Variants in WNT9B observed in about 807,000 individuals in gnomAD.
WNT9B encodes the protein protein Wnt-9b.
WNT9B carries 12 observed loss-of-function variants against 30.2 expected under a neutral mutation model. That is an observed-to-expected ratio of 0.40 (90% CI 0.26 to 0.64). The LOEUF (loss-of-function observed/expected upper bound fraction) is 0.64. Among genes scored for constraint, WNT9B ranks in the 30% least tolerant of loss-of-function variants. The pLI is 0.42. For missense variants in WNT9B, 442 were observed against 485.2 expected (o/e 0.91, Z 0.84); for synonymous variants, 218 against 216.9 (o/e 1.01, Z -0.05).
At chr17:46,855,083 C>T (rs1027444547) in intron 1 of WNT9B, among the ~76,000 whole-genome samples, 5 of 146,490 alleles carry the variant, frequency 3.4e-5, no homozygotes, top group Non-Finnish European at 7.5e-5. Flanking sequence ...CAGTCAGTCA[C>T]CCAGTGTTAC....
At chr17:46,844,989 C>T (rs547148861) in intron 1 of WNT9B, among the ~76,000 whole-genome samples, 5 of 152,166 alleles carry the variant, frequency 3.3e-5, no homozygotes, top group Middle Eastern at 3.4e-3. Flanking sequence ...CTGGGACTAC[C>T]GGCATGCACC....
At chr17:46,857,524 C>T (rs1397255459) in intron 1 of WNT9B, among the ~76,000 whole-genome samples, 2 of 148,918 alleles carry the variant, frequency 1.3e-5, no homozygotes, top group African/African-American at 4.9e-5. Context: ...CAGTTTTGGA[C>T]TATTCCAAAT....
At chr17:46,875,960 A>C (rs1026497598) in intron 3 of WNT9B, among the ~76,000 whole-genome samples, 1 of 152,176 alleles carries the variant, frequency 6.6e-6, no homozygotes, top group African/African-American at 2.4e-5. Flanking sequence ...GTGTTCAATC[A>C]TTGAGTTGGT....
intron 1 of WNT9B, among the ~76,000 whole-genome samples, chr17:46,846,325 C>T (rs2084775980): frequency 6.6e-6 from 1 of 152,188 alleles, no homozygotes; most frequent in African/African-American, 2.4e-5. Context: ...TTCATTAATT[C>T]AGTTATTTAA....
chr17:46,847,579 G>A (rs936627610), upstream of WNT9B, among the ~76,000 whole-genome samples: 1 of 152,198 alleles, frequency 6.6e-6, no homozygotes, highest in Non-Finnish European at 1.5e-5. Flanking sequence ...AGAGGGACAG[G>A]TGAGCCCACA....
chr17:46,865,357 C>T (rs2085115055), intron 1 of WNT9B, among the ~76,000 whole-genome samples: 1 of 152,158 alleles, frequency 6.6e-6, no homozygotes, highest in Non-Finnish European at 1.5e-5. Flanking sequence ...TGGGGCTGTG[C>T]TTGGAGAGAC....
intron 1 of WNT9B, among the ~76,000 whole-genome samples, chr17:46,853,350 C>T (rs1468657627): frequency 7.1e-6 from 1 of 140,310 alleles, no homozygotes; most frequent in Non-Finnish European, 1.5e-5. Flanking sequence ...AAGTGCTCAA[C>T]TAATGCTAGT....
chr17:46,848,089 A>C (rs117874279), upstream of WNT9B, among the ~76,000 whole-genome samples: 31 of 152,066 alleles, frequency 2.0e-4, no homozygotes, highest in East Asian at 5.8e-3. Context: ...CTGCATGTGG[A>C]TATCCAAGAA....
intron 1 of WNT9B, among the ~76,000 whole-genome samples, chr17:46,853,312 G>A (rs1005284924): frequency 3.4e-5 from 5 of 147,300 alleles, no homozygotes; most frequent in Non-Finnish European, 7.4e-5. Flanking sequence ...TACATGTAAA[G>A]CACTTAGGAC....
chr17:46,882,683 G>A (rs768412421), downstream of WNT9B, among the ~76,000 whole-genome samples: 3 of 152,060 alleles, frequency 2.0e-5, no homozygotes, highest in Non-Finnish European at 4.4e-5. Context: ...TCTTGACTTC[G>A]CTCCATCTCT....
chr17:46,853,619 C>A (rs1034848675), intron 1 of WNT9B, among the ~76,000 whole-genome samples: 1 of 152,110 alleles, frequency 6.6e-6, no homozygotes, highest in Non-Finnish European at 1.5e-5. Flanking sequence ...CTGCCCAACT[C>A]AGCCTCCCAA....
At chr17:46,852,916 A>G (rs1262232449) in intron 1 of WNT9B, among the ~76,000 whole-genome samples, 1 of 152,098 alleles carries the variant, frequency 6.6e-6, no homozygotes, top group East Asian at 1.9e-4. Context: ...TGGTGGAAAC[A>G]TGTCTGGGCT....
chr17:46,858,804 C>T (rs1171259044), intron 1 of WNT9B, among the ~76,000 whole-genome samples: 1 of 151,368 alleles, frequency 6.6e-6, no homozygotes, highest in African/African-American at 2.4e-5. Flanking sequence ...GTAGCTGGGG[C>T]CACAGGCATG....
chr17:46,847,486 G>A (rs372717268), upstream of WNT9B, among the ~76,000 whole-genome samples: 54 of 152,314 alleles, frequency 3.5e-4, no homozygotes, highest in African/African-American at 1.3e-3. Context: ...GGCTAGGACT[G>A]ATGGGAGTGG....
At chr17:46,849,428 A>T (rs538547204), upstream of WNT9B, among the ~76,000 whole-genome samples, 9 of 152,148 alleles carry the variant, frequency 5.9e-5, no homozygotes, top group East Asian at 1.7e-3. Context: ...AGCTGAACCC[A>T]CTCCATCCTC....
chr17:46,884,378 C>T (rs1304679868), downstream of WNT9B, among the ~76,000 whole-genome samples: 1 of 152,244 alleles, frequency 6.6e-6, no homozygotes, highest in Non-Finnish European at 1.5e-5. Context: ...CCCCGCCCCA[C>T]ACCCAGCCCC....
intron 1 of WNT9B, among the ~76,000 whole-genome samples, chr17:46,841,280 A>T (rs867639405): frequency 2.2e-4 from 33 of 152,186 alleles, no homozygotes; most frequent in South Asian, 6.2e-4. Context: ...ATTGTAAGGG[A>T]CTTGCCCACG....
intron 1 of WNT9B, among the ~76,000 whole-genome samples, chr17:46,866,189 G>A (rs978894684): frequency 6.6e-6 from 1 of 152,074 alleles, no homozygotes; most frequent in African/African-American, 2.4e-5. Flanking sequence ...ACAGCAGGAG[G>A]GGAGAGAAGC....
downstream of WNT9B, among the ~76,000 whole-genome samples, chr17:46,881,966 C>T (rs2085428702): frequency 6.6e-6 from 1 of 152,184 alleles, no homozygotes; most frequent in South Asian, 2.1e-4. Flanking sequence ...CATATTCAGA[C>T]TTCCCCAATT....
Sources: allele counts gnomAD v4.1 joint callset (sites outside exome capture counted in the v4.1 genomes callset), GRCh38; gene constraint gnomAD v4.1.1; transcripts MANE v1.5; gene names NCBI Gene and HGNC (gene_info 2026-07-23, HGNC 2026-07-21).